Variants in RMDN2 observed in about 807,000 individuals in gnomAD.
RMDN2 encodes the protein regulator of microtubule dynamics 2.
A neutral mutation model predicts 52.8 loss-of-function variants in RMDN2; 61 were observed. That is an observed-to-expected ratio of 1.16 (90% CI 0.94 to 1.43). The LOEUF is 1.43. RMDN2 is among the 40% of genes most tolerant of loss of function. The pLI is 0.00. For missense variants in RMDN2, 592 were observed against 475.3 expected (o/e 1.25, Z -2.28); for synonymous variants, 180 against 153.1 (o/e 1.18, Z -1.30).
intron 2 of RMDN2, among the ~76,000 whole-genome samples, chr2:37,933,206 G>A (rs1666984849): frequency 6.6e-6 from 1 of 151,900 alleles, no homozygotes; most frequent in Non-Finnish European, 1.5e-5. Flanking sequence ...TCACTTCCCA[G>A]ATGTGATGGT....
intron 2 of RMDN2, among the ~76,000 whole-genome samples, chr2:37,961,667 C>T (rs1216376046): frequency 1.3e-5 from 2 of 151,940 alleles, no homozygotes; most frequent in African/African-American, 2.4e-5. Flanking sequence ...TTTGTTATTA[C>T]CCACCTTCTG....
intron 2 of RMDN2, among the ~76,000 whole-genome samples, chr2:37,954,785 T>C (rs1558465776): frequency 6.6e-6 from 1 of 152,168 alleles, no homozygotes; most frequent in Non-Finnish European, 1.5e-5. Context: ...CTGTAGATTA[T>C]TTTGGGTAGG....
intron 10 of RMDN2, among the ~76,000 whole-genome samples, chr2:38,047,422 T>C (rs1681338643): frequency 6.6e-6 from 1 of 152,216 alleles, no homozygotes; most frequent in Non-Finnish European, 1.5e-5. Flanking sequence ...TAATGGAATA[T>C]CATTCAACAA....
At chr2:37,950,666 G>GCT in intron 2 of RMDN2, 4 of 1,453,406 alleles carry the variant, frequency 2.8e-6, no homozygotes, top group Non-Finnish European at 3.9e-6. Flanking sequence ...AAGCTTTAGT[G>GCT]CTCTCCTTTG....
chr2:37,942,222 T>C (rs1667855402), intron 2 of RMDN2, among the ~76,000 whole-genome samples: 1 of 152,120 alleles, frequency 6.6e-6, no homozygotes, highest in Non-Finnish European at 1.5e-5. Context: ...TCACCCTCCA[T>C]AGGCTGCACC....
intron 5 of RMDN2, among the ~76,000 whole-genome samples, chr2:37,983,064 G>A (rs72899097): frequency 6.6e-6 from 1 of 151,914 alleles, no homozygotes; most frequent in African/African-American, 2.4e-5. Flanking sequence ...TGACTCCTCT[G>A]TTCCCTCCCC....
intron 10 of RMDN2, among the ~76,000 whole-genome samples, chr2:38,013,376 T>C (rs1442439478): frequency 2.0e-5 from 3 of 152,246 alleles, no homozygotes; most frequent in Non-Finnish European, 4.4e-5. Flanking sequence ...GAAATGGCAT[T>C]AGTCACCTTT....
chr2:37,959,155 T>C (rs1237408252), intron 2 of RMDN2, among the ~76,000 whole-genome samples: 2 of 151,094 alleles, frequency 1.3e-5, no homozygotes, highest in Non-Finnish European at 2.9e-5. Flanking sequence ...ATCAGGATGA[T>C]GCTGGCCTCA....
At chr2:37,966,509 TTC>T (rs1191656675) in intron 2 of RMDN2, among the ~76,000 whole-genome samples, 1 of 152,186 alleles carries the variant, frequency 6.6e-6, no homozygotes, top group South Asian at 2.1e-4. Context: ...TACTGCCACT[TTC>T]TCTCTCTTCT....
intron 2 of RMDN2, among the ~76,000 whole-genome samples, chr2:37,939,042 A>T (rs1371481987): frequency 2.6e-5 from 4 of 152,152 alleles, no homozygotes; most frequent in African/African-American, 7.2e-5. Context: ...TAGTGCTATA[A>T]ATTTCCCTCT....
chr2:37,943,827 C>CT (rs1258812044), intron 2 of RMDN2, among the ~76,000 whole-genome samples: 1 of 151,826 alleles, frequency 6.6e-6, no homozygotes, highest in South Asian at 2.1e-4. Context: ...TTAATTGAGG[C>CT]TTTTTTTTCA....
chr2:37,974,738 A>G lies in RMDN2; in HGVS notation c.628-474A>G, dbSNP rs79922465. ...ATTTGTCTGAGGATTTAGCAACTCT[A>G]AACACATTGTCTAAAACTTGATAGC... On this transcript the variant is annotated intron_variant, in intron 3 of 10. Coordinates refer to ENST00000354545, the MANE Select transcript of RMDN2 (RefSeq NM_001170791.3). The G allele has an allele frequency of 6.1e-3, 949 of 155,554 alleles. 6 individuals are homozygous for G. Among genetic ancestry groups the G allele is most frequent in the African/African-American group, 0.022 (901 of 41,604 alleles). The allele number at this position is 155,554 out of a possible 1,614,324, so 9.6% of individuals were successfully genotyped here.
intron 4 of RMDN2, among the ~76,000 whole-genome samples, chr2:37,977,058 C>T (rs1158674143): frequency 2.0e-5 from 3 of 152,118 alleles, no homozygotes; most frequent in African/African-American, 7.2e-5. Context: ...TCTGAACGAG[C>T]ATGCTGCCTT....
intron 2 of RMDN2, among the ~76,000 whole-genome samples, chr2:37,953,336 A>G (rs1164586590): frequency 1.3e-5 from 2 of 152,010 alleles, no homozygotes; most frequent in Non-Finnish European, 2.9e-5. Flanking sequence ...CACCCATTAA[A>G]TAAGAACTCT....
At chr2:37,927,785 A>G (rs1195633893) in intron 1 of RMDN2, among the ~76,000 whole-genome samples, 1 of 152,204 alleles carries the variant, frequency 6.6e-6, no homozygotes, top group Non-Finnish European at 1.5e-5. Flanking sequence ...ATAAGCTTTC[A>G]AGATAATTTA....
chr2:38,028,598 G>C (rs1250198389), intron 10 of RMDN2, among the ~76,000 whole-genome samples: 2 of 152,140 alleles, frequency 1.3e-5, no homozygotes, highest in Non-Finnish European at 2.9e-5. Flanking sequence ...AGCCCTCCAA[G>C]AACTCCAGCC....
chr2:38,015,871 A>G (rs978380771), intron 10 of RMDN2, among the ~76,000 whole-genome samples: 2 of 152,208 alleles, frequency 1.3e-5, no homozygotes, highest in African/African-American at 2.4e-5. Flanking sequence ...ATGCAGCACA[A>G]TCATATGACT....
At chr2:37,961,801 C>T (rs1358374610) in intron 2 of RMDN2, among the ~76,000 whole-genome samples, 4 of 152,168 alleles carry the variant, frequency 2.6e-5, no homozygotes, top group Non-Finnish European at 4.4e-5. Flanking sequence ...AGCATTTTTG[C>T]ACTGGTTTTT....
chr2:37,965,673 G>C (rs894266149), intron 2 of RMDN2, among the ~76,000 whole-genome samples: 3 of 152,026 alleles, frequency 2.0e-5, no homozygotes, highest in African/African-American at 7.2e-5. Flanking sequence ...GAATAATTCT[G>C]TTATATTTTC....
Sources: gnomAD v4.1 joint callset for allele counts (sites outside exome capture counted in the v4.1 genomes callset) on GRCh38, gnomAD v4.1.1 for gene constraint, MANE v1.5 for transcripts, NCBI Gene and HGNC (gene_info 2026-07-23, HGNC 2026-07-21) for gene names.